APBB1IP: variants seen among roughly 807,000 people sequenced by gnomAD.
APBB1IP encodes the protein amyloid beta precursor protein binding family B member 1 interacting protein.
Under a neutral mutation model 64.9 loss-of-function variants are expected in APBB1IP, and 27 were observed. The observed-to-expected ratio is 0.42, with a 90% CI of 0.31 to 0.57. APBB1IP has a LOEUF of 0.57. Ranked by LOEUF, APBB1IP falls within the 20% of genes least tolerant of loss-of-function variation. The pLI, the probability that APBB1IP is intolerant of heterozygous loss-of-function variation, is 0.20. For missense variants in APBB1IP, 812 were observed against 845.5 expected (o/e 0.96, Z 0.49); for synonymous variants, 392 against 331.0 (o/e 1.18, Z -2.00).
At chr10:26,471,763 C>A (rs1367209806) in intron 2 of APBB1IP, among the ~76,000 whole-genome samples, 1 of 152,116 alleles carries the variant, frequency 6.6e-6, no homozygotes, top group Non-Finnish European at 1.5e-5. Context: ...CGGCTCACTG[C>A]AACCTCCGCC....
At chr10:26,560,476 A>T (rs958443231) in intron 12 of APBB1IP, among the ~76,000 whole-genome samples, 2 of 152,192 alleles carry the variant, frequency 1.3e-5, no homozygotes, top group Admixed American at 6.5e-5. Flanking sequence ...TTACATAAAG[A>T]CACACGTAAT....
At chr10:26,561,064 CTTTTTTTTTTTTTTT>C (rs764573338) in intron 13 of APBB1IP, among the ~76,000 whole-genome samples, 5 of 69,208 alleles carry the variant, frequency 7.2e-5, no homozygotes, top group Admixed American at 6.9e-4. Flanking sequence ...TTCTTTCTTT[CTTTTTTTTTTTTTTT>C]TTTTTTTTTG....
intron 8 of APBB1IP, among the ~76,000 whole-genome samples, chr10:26,528,868 C>T (rs1418560323): frequency 8.5e-5 from 13 of 152,096 alleles, no homozygotes; most frequent in South Asian, 6.2e-4. Flanking sequence ...ACCTGGGAGG[C>T]GGAGGTTGCA....
chr10:26,465,225 A>T (rs1034723349), intron 2 of APBB1IP, among the ~76,000 whole-genome samples: 19 of 152,228 alleles, frequency 1.2e-4, no homozygotes, highest in Admixed American at 1.0e-3. Context: ...CATCAAAAAG[A>T]AATTGAAGAA....
chr10:26,455,717 G>C (rs1404680540), intron 2 of APBB1IP, among the ~76,000 whole-genome samples: 2 of 151,876 alleles, frequency 1.3e-5, no homozygotes, highest in Non-Finnish European at 2.9e-5. Flanking sequence ...TGGTTCCAAG[G>C]CCACAGCTTT....
intron 2 of APBB1IP, among the ~76,000 whole-genome samples, chr10:26,471,233 C>T (rs1046755891): frequency 1.1e-4 from 16 of 152,100 alleles, no homozygotes; most frequent in Non-Finnish European, 1.8e-4. Flanking sequence ...TCCTCTAGAC[C>T]GAAGCTCACC....
At chr10:26,535,232 G>A (rs910718192) in intron 9 of APBB1IP, among the ~76,000 whole-genome samples, 7 of 152,026 alleles carry the variant, frequency 4.6e-5, no homozygotes, top group Non-Finnish European at 1.0e-4. Flanking sequence ...TGATACTGAT[G>A]TATTTATAAC....
intron 6 of APBB1IP, among the ~76,000 whole-genome samples, chr10:26,506,434 G>A (rs1836180277): frequency 6.6e-6 from 1 of 152,054 alleles, no homozygotes; most frequent in Non-Finnish European, 1.5e-5. Context: ...TATTTGTAGA[G>A]AAAGGATCTG....
intron 10 of APBB1IP, among the ~76,000 whole-genome samples, chr10:26,541,016 C>T (rs374376692): frequency 2.0e-5 from 3 of 151,634 alleles, no homozygotes; most frequent in African/African-American, 4.8e-5. Flanking sequence ...TCTGGCTAAG[C>T]GGTCACCTTG....
At chr10:26,554,352 T>C (rs1836868194) in intron 11 of APBB1IP, among the ~76,000 whole-genome samples, 1 of 152,238 alleles carries the variant, frequency 6.6e-6, no homozygotes, top group Non-Finnish European at 1.5e-5. Flanking sequence ...GTTGTGTTCC[T>C]TCTGAGGGCT....
intron 6 of APBB1IP, among the ~76,000 whole-genome samples, chr10:26,510,676 C>T (rs1458617358): frequency 4.6e-5 from 7 of 151,014 alleles, no homozygotes; most frequent in African/African-American, 1.5e-4. Flanking sequence ...GTTCAGGCTA[C>T]AGTAACCCAA....
chr10:26,455,514 CA>C (rs11424674), intron 2 of APBB1IP, among the ~76,000 whole-genome samples: 221 of 141,350 alleles, frequency 1.6e-3, no homozygotes, highest in East Asian at 6.5e-3. Context: ...GGTGACAGAA[CA>C]AAAAAAAAAA....
At position 26,536,311 on chromosome 10, in the gene APBB1IP, T is replaced by C. The variant is rs938257777; in HGVS notation, c.1044+94T>C. On this transcript the variant is annotated intron_variant, in intron 10 of 14. Transcript: ENST00000376236. ...TAGTTGGCAAGTTAAATACATTCTC[T>C]GTTGCTGCAGATTCCATAATCCTGC... 8 of 1,346,918 alleles carry C rather than the reference T, an allele frequency of 5.9e-6. No homozygotes were observed. In the African/African-American group the frequency reaches 1.2e-4, roughly 20 times the overall value. 83.4% of individuals were successfully genotyped at this position (1,346,918 alleles called of 1,614,324 possible).
rs533461692 is a variant in APBB1IP at position 26,444,593 on chromosome 10, T to G, written c.-1+5740T>G. 1.1e-4 allele frequency among the ~76,000 whole-genome samples: 16 copies of G among 152,302 alleles called. No individual in the cohort carries two copies. In the South Asian group the frequency reaches 3.3e-3, roughly 32 times the overall value. ...AACAACTGGAAGGATGAAATTGTCA[T>G]CAACTAAAGTCAGCAAGTTGGAAGG... On this transcript the variant is annotated intron_variant, in intron 2 of 14. Transcript: ENST00000376236.
At position 26,541,585 on chromosome 10, in the gene APBB1IP, T is replaced by C; in HGVS notation, c.1048T>C (p.Ser350Pro). Residue 350 changes from serine to proline, a missense_variant, in exon 11 of 15, where the codon TCT becomes CCT. By Grantham distance (74) the Ser-to-Pro change is moderately conservative. Transcript: ENST00000376236. ...YYVPKGKTKT[S>P]RDLACFIQFE... is the part of the protein sequence containing the mutation. Reference sequence around the variant, plus strand: ...TATTTTTTTCCCTGTCTTTCAGACATCTCGAGATCTGGCGTGTTTTATACA... The same window carrying C: ...TATTTTTTTCCCTGTCTTTCAGACACCTCGAGATCTGGCGTGTTTTATACA... The C allele has an allele frequency of 6.2e-7, 1 of 1,606,328 alleles. No individual in the cohort carries two copies. The highest frequency in any genetic ancestry group is 8.5e-7 in the Non-Finnish European group (1 of 1,175,538).
At chr10:26,526,645 G>T (rs940117184) in intron 8 of APBB1IP, among the ~76,000 whole-genome samples, 2 of 152,020 alleles carry the variant, frequency 1.3e-5, no homozygotes, top group African/African-American at 4.8e-5. Context: ...CTTGAACCCG[G>T]GAGGCGGAAG....
intron 9 of APBB1IP, among the ~76,000 whole-genome samples, chr10:26,534,998 G>A (rs940684020): frequency 6.6e-6 from 1 of 152,134 alleles, no homozygotes; most frequent in Non-Finnish European, 1.5e-5. Flanking sequence ...CTTGGAGGAT[G>A]CAAAATCCAG....
In APBB1IP at chr10:26,557,354, G is replaced by T. The variant is rs572209650; in HGVS notation, c.1156-2751G>T. On this transcript the variant is annotated intron_variant, in intron 11 of 14. Transcript: ENST00000376236. ...AGAGAGAATGTCTGTGTTCCTGTTT[G>T]CTATGCCCAAGCAAATAGGAATTGA... is the stretch of plus-strand genomic sequence containing the variant. Among the ~76,000 whole-genome samples the T allele has an allele frequency of 2.8e-4, 43 of 152,318 alleles. No individual in the cohort carries two copies. The South Asian group carries it at 8.9e-3, about 32-fold the overall frequency.
At chr10:26,544,043 G>T (rs1242825184) in intron 11 of APBB1IP, among the ~76,000 whole-genome samples, 6 of 152,188 alleles carry the variant, frequency 3.9e-5, no homozygotes, top group Non-Finnish European at 8.8e-5. Context: ...AGACTCCCCA[G>T]CCAGGAAGTG....
Sources: gnomAD v4.1 joint callset for allele counts (sites outside exome capture counted in the v4.1 genomes callset) on GRCh38, gnomAD v4.1.1 for gene constraint, MANE v1.5 for transcripts, NCBI Gene and HGNC (gene_info 2026-07-23, HGNC 2026-07-21) for gene names.